Variants in SLC16A5 observed in about 807,000 individuals in gnomAD.
The protein encoded by SLC16A5 is monocarboxylate transporter 6.
Under a neutral mutation model 33.2 loss-of-function variants are expected in SLC16A5, and 29 were observed. The ratio of observed to expected loss-of-function variants is 0.87; its 90% CI spans 0.65 to 1.19. SLC16A5 has a LOEUF of 1.19. Among genes scored for constraint, SLC16A5 ranks in the 50% most tolerant of loss-of-function variants. SLC16A5 has a pLI of 0.00. For synonymous variants in SLC16A5, 248 were observed against 284.1 expected (o/e 0.87, Z 1.28); for missense variants, 606 against 678.2 (o/e 0.89, Z 1.18).
chr17:75,094,424 C>T (rs2073687821), intron 3 of SLC16A5, among the ~76,000 whole-genome samples: 2 of 152,208 alleles, frequency 1.3e-5, no homozygotes, highest in Admixed American at 6.5e-5. Flanking sequence ...CGATGGCTTA[C>T]GCCTGTAATC....
downstream of SLC16A5, among the ~76,000 whole-genome samples, chr17:75,106,484 A>C (rs972982881): frequency 6.6e-6 from 1 of 151,632 alleles, no homozygotes; most frequent in African/African-American, 2.4e-5. Flanking sequence ...TGGAGATGGC[A>C]GTGCGCACAT....
chr17:75,108,716 T>C (rs935786477), downstream of SLC16A5, among the ~76,000 whole-genome samples: 4 of 152,194 alleles, frequency 2.6e-5, no homozygotes, highest in African/African-American at 9.7e-5. Context: ...AAAAATAGGA[T>C]TACATAATTG....
downstream of SLC16A5, among the ~76,000 whole-genome samples, chr17:75,109,777 A>G (rs371071387): frequency 2.0e-5 from 3 of 152,242 alleles, no homozygotes; most frequent in East Asian, 1.9e-4. This position sits in a 1 kb window ranked among gnomAD's most constrained non-coding sequence, Gnocchi z 5.0. Context: ...ACGGGAGGCC[A>G]GGCTGCTCCT....
intron 6 of SLC16A5, chr17:75,105,192 G>A (rs762108618): frequency 1.4e-4 from 139 of 985,310 alleles, no homozygotes; most frequent in Non-Finnish European, 1.6e-4. Context: ...CGGGAGGGGG[G>A]CCCCTGGCTT....
chr17:75,105,284 T>C (rs2073849227), intron 6 of SLC16A5: 1 of 985,264 alleles, frequency 1.0e-6, no homozygotes, highest in African/African-American at 1.7e-5. Flanking sequence ...CTCCTTCCTT[T>C]CCCCACCCTG....
At chr17:75,101,660 G>A (rs113805285) in intron 5 of SLC16A5, among the ~76,000 whole-genome samples, 3,519 of 150,546 alleles carry the variant, frequency 0.023, 127 homozygotes, top group African/African-American at 0.082. Flanking sequence ...GTTGAGACAA[G>A]GTCTTGCTCT....
Position 75,100,440 on chromosome 17 carries a change from G to A in SLC16A5, c.777G>A (p.Leu259=), listed in dbSNP as rs2073778652. ...GCTTCCCACTGCCACAAGTCTTCCTGGTGCCATATGCCATGTGGCACAGCG... is the reference window on the plus strand; with the variant it reads ...GCTTCCCACTGCCACAAGTCTTCCTAGTGCCATATGCCATGTGGCACAGCG... ...VLGFPLPQVF[L]VPYAMWHSVD... The change falls in exon 5 of 7, where the codon CTG becomes CTA. Residue 259 remains leucine (L), a synonymous_variant. Coordinates refer to ENST00000329783, the MANE Select transcript of SLC16A5 (RefSeq NM_004695.4). 6.2e-7 allele frequency: 1 copy of A among 1,614,230 alleles called. No homozygotes were observed. Among genetic ancestry groups the A allele is most frequent in the Non-Finnish European group, 8.5e-7 (1 of 1,180,042 alleles).
Position 75,105,879 on chromosome 17 carries a change from G to T in SLC16A5, c.1365-1G>T, listed in dbSNP as rs2073856196. The T allele has an allele frequency of 1.3e-5, 21 of 1,595,712 alleles. No homozygotes were observed. Among genetic ancestry groups the T allele is most frequent in the Non-Finnish European group, 1.8e-5 (21 of 1,168,008 alleles). The stretch of plus-strand genomic sequence containing the variant: ...TCAGGAGATTTTATTTTCATGAACA[G>T]GTGCCAGTCTTCCCGCCAGCCACGT... On this transcript the variant is annotated splice_acceptor_variant, in intron 6 of 6. Coordinates refer to ENST00000329783, the MANE Select transcript of SLC16A5 (RefSeq NM_004695.4). LOFTEE classifies it high-confidence loss of function.
chr17:75,107,327 A>G (rs2073871002), downstream of SLC16A5, among the ~76,000 whole-genome samples: 1 of 152,144 alleles, frequency 6.6e-6, no homozygotes, highest in African/African-American at 2.4e-5. Flanking sequence ...GTATCAATGA[A>G]TGTTCTGCAT....
chr17:75,104,207 G>T (rs1162454982), intron 6 of SLC16A5, 27 bp downstream of exon 6: 2 of 1,610,378 alleles, frequency 1.2e-6, no homozygotes, highest in East Asian at 2.2e-5. Context: ...TAAGACCCAG[G>T]GTTCATCTGT....
In SLC16A5 at chr17:75,106,005, C is replaced by T. The variant is rs145130569; in HGVS notation, c.1490C>T (p.Thr497Met). Residue 497 changes from threonine to methionine, a missense_variant, in exon 7 of 7, where the codon ACG becomes ATG. Thr to Met is a moderately conservative substitution (Grantham distance 81, BLOSUM62 -1). Coordinates refer to ENST00000329783, the MANE Select transcript of SLC16A5 (RefSeq NM_004695.4). ...WPKAVLQAKQ[T>M]ALGWNSPT ...AAGGCGGTACTGCAGGCCAAGCAAA[C>T]GGCTCTGGGCTGGAATAGCCCTACC... 13 of 1,594,864 alleles carry T rather than the reference C, an allele frequency of 8.2e-6. No individual in the cohort carries two copies. The highest frequency in any genetic ancestry group is 2.3e-5 in the East Asian group (1 of 44,246).
At chr17:75,099,974 G>C in intron 4 of SLC16A5, 33 bp from the exon 5 acceptor site, 1 of 1,580,508 alleles carries the variant, frequency 6.3e-7, no homozygotes, top group Non-Finnish European at 8.6e-7. Context: ...GCCCCAGTGC[G>C]CCTCCAGGCT....
chr17:75,102,543 C>G (rs1443321861), intron 5 of SLC16A5, among the ~76,000 whole-genome samples: 1 of 149,234 alleles, frequency 6.7e-6, no homozygotes, highest in Non-Finnish European at 1.5e-5. Context: ...AGTAGAGGTG[C>G]ACGTGAGAGG....
At chr17:75,109,948 C>A (rs1443219170), downstream of SLC16A5, 6 of 273,472 alleles carry the variant, frequency 2.2e-5, no homozygotes, top group South Asian at 4.9e-5. The surrounding 1 kb of genome is among the most constrained non-coding windows in gnomAD (Gnocchi z 5.0). Flanking sequence ...GTAGGGACAG[C>A]GCGGCTTCCG....
rs148432653 is a variant in SLC16A5 at position 75,098,065 on chromosome 17, G to A, written c.227G>A (p.Arg76His). Reference sequence around the variant, plus strand: ...CCCCTGTGCAGCATCCTGGTGGGACGCTTCGGCTGCCGAGTGACCGTGATG... The same window carrying A: ...CCCCTGTGCAGCATCCTGGTGGGACACTTCGGCTGCCGAGTGACCGTGATG... ...AGPLCSILVG[R>H]FGCRVTVMLG... The change falls in exon 4 of 7, where the codon CGC becomes CAC. Residue 76 changes from arginine (R) to histidine (H), a missense_variant. By Grantham distance (29) the Arg-to-His change is conservative. Transcript: ENST00000329783. 319 of 1,606,588 alleles carry A rather than the reference G, an allele frequency of 2.0e-4. 1 individual carries two copies. The highest frequency in any genetic ancestry group is 6.6e-4 in the Middle Eastern group (4 of 6,034).
At chr17:75,109,945 C>T (rs1483300305), downstream of SLC16A5, 2 of 271,352 alleles carry the variant, frequency 7.4e-6, no homozygotes, top group Admixed American at 5.0e-5. This position sits in a 1 kb window ranked among gnomAD's most constrained non-coding sequence, Gnocchi z 5.0. Context: ...GGGGTAGGGA[C>T]AGCGCGGCTT....
downstream of SLC16A5, among the ~76,000 whole-genome samples, chr17:75,107,808 G>A (rs111260271): frequency 4.6e-5 from 7 of 152,210 alleles, no homozygotes; most frequent in South Asian, 2.1e-4. Context: ...GTCGTGGCGG[G>A]TGCCTGTAGT....
downstream of SLC16A5, chr17:75,106,258 C>G (rs537671003): frequency 5.5e-6 from 2 of 362,318 alleles, no homozygotes; most frequent in African/African-American, 4.1e-5. Context: ...GCTCCCCACC[C>G]AGTCTTACAC....
chr17:75,101,754 C>T (rs2073802825), intron 5 of SLC16A5, among the ~76,000 whole-genome samples: 1 of 151,742 alleles, frequency 6.6e-6, no homozygotes, highest in African/African-American at 2.4e-5. Context: ...CCCACCTCAG[C>T]CCCCCAAGTA....
Sources: gnomAD v4.1 joint callset for allele counts (sites outside exome capture counted in the v4.1 genomes callset) on GRCh38, gnomAD v4.1.1 for gene constraint, Gnocchi (gnomAD v3.1) non-coding constraint, MANE v1.5 for transcripts, NCBI Gene and HGNC (gene_info 2026-07-23, HGNC 2026-07-21) for gene names.